The following CNTNAP5 variants were observed in gnomAD, a reference collection of about 807,000 sequenced individuals.
CNTNAP5 encodes the protein contactin-associated protein-like 5.
In CNTNAP5, 72 loss-of-function variants were observed where a neutral mutation model predicts 150.2. That is an observed-to-expected ratio of 0.48 (90% CI 0.40 to 0.58). CNTNAP5 has a LOEUF of 0.58. CNTNAP5 is among the 20% of genes least tolerant of loss of function. The probability of loss-of-function intolerance (pLI) is 0.00; values close to 1 mark genes in which losing one functional copy is unlikely to be tolerated. For missense variants in CNTNAP5, 1,636 were observed against 1,626.2 expected (o/e 1.01, Z -0.10); for synonymous variants, 672 against 619.8 (o/e 1.08, Z -1.25).
chr2:124,699,429 T>C (rs1454804803), intron 13 of CNTNAP5, among the ~76,000 whole-genome samples: 3 of 152,174 alleles, frequency 2.0e-5, no homozygotes, highest in African/African-American at 7.2e-5. Flanking sequence ...AGTCTACCCA[T>C]TGGAAGCATG....
intron 3 of CNTNAP5, among the ~76,000 whole-genome samples, chr2:124,404,202 C>G (rs1279037144): frequency 6.6e-6 from 1 of 152,180 alleles, no homozygotes; most frequent in Non-Finnish European, 1.5e-5. Context: ...ACAGAGTCTC[C>G]CTGAAAATTC....
chr2:124,068,441 G>A (rs2104661305), intron 1 of CNTNAP5, among the ~76,000 whole-genome samples: 1 of 152,276 alleles, frequency 6.6e-6, no homozygotes, highest in East Asian at 1.9e-4. Context: ...ACTCAGCCCT[G>A]AGGCTGCAAC....
chr2:124,052,915 A>C (rs1681737574), intron 1 of CNTNAP5, among the ~76,000 whole-genome samples: 1 of 152,070 alleles, frequency 6.6e-6, no homozygotes, highest in South Asian at 2.1e-4. Context: ...TGCTTAGCCC[A>C]GTATCAACCC....
intron 3 of CNTNAP5, among the ~76,000 whole-genome samples, chr2:124,269,636 C>T (rs1038176543): frequency 5.9e-5 from 9 of 151,946 alleles, no homozygotes; most frequent in Non-Finnish European, 1.2e-4. Flanking sequence ...CAGACTGACC[C>T]GAAAAGCAAA....
chr2:124,753,681 G>A (rs2105152987), intron 14 of CNTNAP5, among the ~76,000 whole-genome samples: 1 of 152,238 alleles, frequency 6.6e-6, no homozygotes, highest in Non-Finnish European at 1.5e-5. Context: ...GTAGTTCATT[G>A]GTTATATACA....
chr2:124,639,107 A>G (rs1285404226), intron 12 of CNTNAP5, among the ~76,000 whole-genome samples: 1 of 152,172 alleles, frequency 6.6e-6, no homozygotes, highest in Non-Finnish European at 1.5e-5. Flanking sequence ...GTTTAGTAGT[A>G]AGTGAATACC....
In CNTNAP5 at chr2:124,128,262, G is replaced by A. The variant is rs889886360; in HGVS notation, c.83-93443G>A. On this transcript the variant is annotated intron_variant, in intron 1 of 23. Transcript: ENST00000682447. Reference sequence around the variant, plus strand: ...AAAAAGTGGGCAAAGGATATGAACAGACACTACCCCAAAGAAGACATTTAT... The same window carrying A: ...AAAAAGTGGGCAAAGGATATGAACAAACACTACCCCAAAGAAGACATTTAT... 1.1e-4 allele frequency among the ~76,000 whole-genome samples: 16 copies of A among 152,182 alleles called. 1 individual carries two copies. Among genetic ancestry groups the A allele is most frequent in the Admixed American group, 1.0e-3 (16 of 15,278 alleles).
At chr2:124,363,256 A>G (rs1308738570) in intron 3 of CNTNAP5, among the ~76,000 whole-genome samples, 1 of 152,094 alleles carries the variant, frequency 6.6e-6, no homozygotes, top group Non-Finnish European at 1.5e-5. Context: ...CACTTTGGTG[A>G]TAGTCTGCTG....
At chr2:124,361,791 A>C (rs1387901317) in intron 3 of CNTNAP5, among the ~76,000 whole-genome samples, 2 of 152,074 alleles carry the variant, frequency 1.3e-5, no homozygotes, top group Non-Finnish European at 2.9e-5. Flanking sequence ...CCAGAGGTGG[A>C]GCCTACAGAG....
chr2:124,601,630 G>T (rs767803171), intron 11 of CNTNAP5, among the ~76,000 whole-genome samples: 16 of 152,172 alleles, frequency 1.1e-4, no homozygotes, highest in Non-Finnish European at 2.2e-4. Flanking sequence ...TTAGAGACAT[G>T]AATGAAGTAT....
chr2:124,649,974 G>T (rs1369142097), intron 13 of CNTNAP5, among the ~76,000 whole-genome samples: 1 of 152,178 alleles, frequency 6.6e-6, no homozygotes, highest in Admixed American at 6.5e-5. Flanking sequence ...TCATAATTAT[G>T]TAGTAACAGA....
At chr2:124,593,300 C>T (rs1402997310) in intron 11 of CNTNAP5, among the ~76,000 whole-genome samples, 1 of 130,436 alleles carries the variant, frequency 7.7e-6, no homozygotes, top group East Asian at 2.4e-4. Context: ...ACCTCCCCAC[C>T]ACAGTCCCCA....
intron 3 of CNTNAP5, among the ~76,000 whole-genome samples, chr2:124,328,611 C>T (rs17011433): frequency 0.028 from 4,190 of 152,180 alleles, 214 homozygotes; most frequent in African/African-American, 0.095. Context: ...ATGATAAAGG[C>T]GCCTGTTTGT....
chr2:124,042,783 CATCTATCT>C (rs3036301), intron 1 of CNTNAP5, among the ~76,000 whole-genome samples: 4,276 of 148,186 alleles, frequency 0.029, 151 homozygotes, highest in African/African-American at 0.076. Flanking sequence ...AACTCTCTAT[CATCTATCT>C]ATCTATCTAT....
At chr2:124,123,628 A>C (rs1443256490) in intron 1 of CNTNAP5, among the ~76,000 whole-genome samples, 4 of 152,186 alleles carry the variant, frequency 2.6e-5, no homozygotes, top group Non-Finnish European at 4.4e-5. Flanking sequence ...CTGACCCCCG[A>C]GTAGCCTAAC....
intron 13 of CNTNAP5, among the ~76,000 whole-genome samples, chr2:124,742,987 G>A (rs891978857): frequency 2.0e-5 from 3 of 152,110 alleles, no homozygotes; most frequent in Admixed American, 1.3e-4. Context: ...CAGAGCCCCA[G>A]GCCCCGGAAG....
intron 8 of CNTNAP5, among the ~76,000 whole-genome samples, chr2:124,520,237 A>G (rs1010413733): frequency 1.3e-5 from 2 of 152,240 alleles, no homozygotes; most frequent in African/African-American, 4.8e-5. Context: ...GGAATAAACC[A>G]TATTTGCTTT....
chr2:124,646,863 C>T (rs1347311881), intron 12 of CNTNAP5, among the ~76,000 whole-genome samples: 1 of 152,116 alleles, frequency 6.6e-6, no homozygotes, highest in East Asian at 1.9e-4. Flanking sequence ...GTACCAGCTA[C>T]TTGGGAGGCT....
rs554249854 is a variant in CNTNAP5, at chr2:124,218,354, C to T, written c.83-3351C>T. Among the ~76,000 whole-genome samples, 3 of 152,200 alleles carry T rather than the reference C, an allele frequency of 2.0e-5. No individual in the cohort carries two copies. The East Asian group carries it at 5.8e-4, about 29-fold the overall frequency. On this transcript the variant is annotated intron_variant, in intron 1 of 23. Coordinates refer to ENST00000682447, the MANE Select transcript of CNTNAP5 (RefSeq NM_001367498.1). ...TCTCTCTTCAACGTAAGCGAGGTTGCCAAAGTGGTTCATGTGAGACAGAAG... is the reference window on the plus strand; with the variant it reads ...TCTCTCTTCAACGTAAGCGAGGTTGTCAAAGTGGTTCATGTGAGACAGAAG...
Sources: allele counts gnomAD v4.1 joint callset (sites outside exome capture counted in the v4.1 genomes callset), GRCh38; gene constraint gnomAD v4.1.1; transcripts MANE v1.5; gene names NCBI Gene and HGNC (gene_info 2026-07-23, HGNC 2026-07-21).